Variants in ZFHX4 observed in about 807,000 individuals in gnomAD.
ZFHX4 encodes zinc finger homeobox 4, also known as zinc finger homeobox protein 4.
ZFHX4 carries 56 observed loss-of-function variants against 267.6 expected under a neutral mutation model. The observed-to-expected ratio is 0.21, with a 90% confidence interval of 0.17 to 0.26. The LOEUF (loss-of-function observed/expected upper bound fraction) is 0.26. Ranked by LOEUF, ZFHX4 falls within the 10% of genes least tolerant of loss-of-function variation. The pLI is 1.00. For synonymous variants in ZFHX4, 1,778 were observed against 1,665.6 expected, an observed-to-expected ratio of 1.07 and a Z score of -1.64; for missense variants, 4,332 against 4,420.0, an observed-to-expected ratio of 0.98 and a Z score of 0.56.
intron 3 of ZFHX4, among the ~76,000 whole-genome samples, chr8:76,716,892 T>G (rs1226122656): frequency 6.6e-6 from 1 of 152,216 alleles, no homozygotes; most frequent in African/African-American, 2.4e-5. Flanking sequence ...TATTTATCAC[T>G]TCTAGTGCCT....
chr8:76,803,255 C>T (rs1020691466), intron 4 of ZFHX4, among the ~76,000 whole-genome samples: 3 of 150,578 alleles, frequency 2.0e-5, no homozygotes, highest in South Asian at 2.1e-4. Flanking sequence ...TGTGCATGCG[C>T]GTGTGTGCGT....
chr8:76,848,190 C>T (rs1586005705), intron 6 of ZFHX4, among the ~76,000 whole-genome samples: 1 of 152,122 alleles, frequency 6.6e-6, no homozygotes, highest in South Asian at 2.1e-4. Context: ...TACCCAATGT[C>T]GCTGTAATAT....
intron 10 of ZFHX4, among the ~76,000 whole-genome samples, chr8:76,862,200 G>T (rs190646094): frequency 1.3e-5 from 2 of 152,280 alleles, no homozygotes; most frequent in East Asian, 3.9e-4. Flanking sequence ...CTGGGTACTT[G>T]AAACAAAGCA....
At position 76,863,117 on chromosome 8, in the gene ZFHX4, A is replaced by G. The variant is rs1473431315; in HGVS notation, c.9403A>G (p.Met3135Val). The G allele has an allele frequency of 2.6e-6, 4 of 1,530,644 alleles. No individual in the cohort carries two copies. The South Asian group carries it at 3.8e-5, about 14-fold the overall frequency. The allele number at this position is 1,530,644 out of a possible 1,614,324, so 94.8% of individuals were successfully genotyped here. A position where few individuals can be genotyped will look rare whatever the true frequency, so the allele number is the denominator to read the frequency against. Reference protein sequence around the residue: ...SNTLTPPGAGMLGFPTSATSS... With the variant: ...SNTLTPPGAGVLGFPTSATSS... ...AGCTTTAACACCTCCCGGTGCAGGCATGCTTGGGTTTCCTACTTCAGCTAC... is the reference window on the plus strand; with the variant it reads ...AGCTTTAACACCTCCCGGTGCAGGCGTGCTTGGGTTTCCTACTTCAGCTAC... The change falls in exon 11 of 11, where the codon ATG becomes GTG. Residue 3135 changes from methionine to valine, a missense_variant. By Grantham distance (21) the Met-to-Val change is conservative. Transcript: ENST00000651372.
intron 3 of ZFHX4, among the ~76,000 whole-genome samples, chr8:76,718,340 AT>A (rs1191799550): frequency 1.3e-5 from 2 of 152,248 alleles, no homozygotes; most frequent in East Asian, 3.8e-4. Flanking sequence ...GTGAAGTCAA[AT>A]ATCACTATTC....
intron 4 of ZFHX4, among the ~76,000 whole-genome samples, chr8:76,818,640 G>A (rs1246432429): frequency 3.3e-5 from 5 of 152,184 alleles, no homozygotes; most frequent in African/African-American, 9.6e-5. Context: ...GAACAGTCAC[G>A]GTGGCTCACG....
intron 3 of ZFHX4, among the ~76,000 whole-genome samples, chr8:76,738,599 T>TTTCCTTCCTTCCTTCCTTCCTTCCTTCC (rs1181956560): frequency 2.3e-5 from 3 of 130,106 alleles, no homozygotes; most frequent in African/African-American, 3.0e-5. Context: ...TTTCTTTCTT[T>TTTCCTTCCTTCCTTCCTTCCTTCCTTCC]TTCCTTCCTT....
chr8:76,732,226 A>T (rs890416785), intron 3 of ZFHX4, among the ~76,000 whole-genome samples: 3 of 152,148 alleles, frequency 2.0e-5, no homozygotes, highest in Non-Finnish European at 4.4e-5. Flanking sequence ...GGAATATTTT[A>T]TCATGAGTTG....
intron 4 of ZFHX4, among the ~76,000 whole-genome samples, chr8:76,784,212 GTTTTATTTTA>G (rs141649405): frequency 1.9e-4 from 29 of 151,044 alleles, no homozygotes; most frequent in Middle Eastern, 3.4e-3. Context: ...GGGGGTTAAA[GTTTTATTTTA>G]TTTTATTTTA....
chr8:76,731,723 A>G (rs900282474), intron 3 of ZFHX4, among the ~76,000 whole-genome samples: 8 of 152,012 alleles, frequency 5.3e-5, no homozygotes, highest in Admixed American at 5.2e-4. Context: ...ATATAACAAA[A>G]TTAGTGTCAA....
At chr8:76,770,939 T>G (rs1028215370) in intron 3 of ZFHX4, among the ~76,000 whole-genome samples, 16 of 152,260 alleles carry the variant, frequency 1.1e-4, no homozygotes, top group African/African-American at 3.8e-4. Context: ...GCCATCATCA[T>G]GCAGGGCCCT....
intron 3 of ZFHX4, among the ~76,000 whole-genome samples, chr8:76,771,141 C>G (rs577587127): frequency 1.3e-5 from 2 of 152,084 alleles, no homozygotes; most frequent in Non-Finnish European, 2.9e-5. Context: ...TAGAGATGTG[C>G]CTTTATCAGG....
chr8:76,745,384 A>G lies in ZFHX4; in HGVS notation c.3094-32824A>G, dbSNP rs143732301. 4.8e-4 allele frequency among the ~76,000 whole-genome samples: 73 copies of G among 152,276 alleles called. No individual in the cohort carries two copies. The East Asian group carries it at 0.012, about 26-fold the overall frequency. The stretch of plus-strand genomic sequence containing the variant: ...ATAAAATTCCTTTTTGTGTAGGTAT[A>G]GTTTTTGTTATCCTTTCTTGGAGGA... On this transcript the variant is annotated intron_variant, in intron 3 of 10. Transcript: ENST00000651372.
At chr8:76,848,025 G>A (rs1812409480) in intron 6 of ZFHX4, among the ~76,000 whole-genome samples, 1 of 152,116 alleles carries the variant, frequency 6.6e-6, no homozygotes, top group African/African-American at 2.4e-5. Flanking sequence ...TAATTTAGTT[G>A]CAAATTGACT....
chr8:76,846,604 T>C (rs1812370979), intron 6 of ZFHX4, among the ~76,000 whole-genome samples: 1 of 152,028 alleles, frequency 6.6e-6, no homozygotes, highest in South Asian at 2.1e-4. Context: ...TTGATGAATA[T>C]TAATAAGCAT....
chr8:76,709,023 T>G (rs1808352867), intron 3 of ZFHX4, among the ~76,000 whole-genome samples: 1 of 152,200 alleles, frequency 6.6e-6, no homozygotes, highest in Admixed American at 6.5e-5. Context: ...TCTATTGATT[T>G]GTACTAGAAA....
chr8:76,814,564 A>T (rs1254465209), intron 4 of ZFHX4, among the ~76,000 whole-genome samples: 1 of 152,208 alleles, frequency 6.6e-6, no homozygotes, highest in Non-Finnish European at 1.5e-5. Context: ...TGAAAAACAA[A>T]TGCTGTTCCT....
At chr8:76,841,595 G>C (rs1054334604) in intron 5 of ZFHX4, among the ~76,000 whole-genome samples, 1 of 152,120 alleles carries the variant, frequency 6.6e-6, no homozygotes, top group Non-Finnish European at 1.5e-5. Context: ...ATGTGTGTCG[G>C]TGACCTTTTG....
chr8:76,855,622 ACGTCCAGCATAG>A lies in ZFHX4; in HGVS notation c.8704_8715del (p.Ser2902_Ala2905del). ...GGATGACAACGCCGACCGCAGCGAA[ACGTCCAGCATAG>A]CGGACCCGAGCTCCCCAAATCCATT... On this transcript the variant is annotated inframe_deletion, in exon 10 of 11. Coordinates refer to ENST00000651372, the MANE Select transcript of ZFHX4 (RefSeq NM_024721.5). The A allele has an allele frequency of 6.2e-7, 1 of 1,613,798 alleles. No individual in the cohort carries two copies. The highest frequency in any genetic ancestry group is 8.5e-7 in the Non-Finnish European group (1 of 1,179,776).
Sources: gnomAD v4.1 joint callset for allele counts (sites outside exome capture counted in the v4.1 genomes callset) on GRCh38, gnomAD v4.1.1 for gene constraint, MANE v1.5 for transcripts, NCBI Gene and HGNC (gene_info 2026-07-23, HGNC 2026-07-21) for gene names.